Variants in DIP2B observed in about 807,000 individuals in gnomAD.
DIP2B encodes DIP2 acetate--CoA ligase B (putative), also known as disco-interacting protein 2 homolog B.
In DIP2B, 76 loss-of-function variants were observed where a neutral mutation model predicts 198.0. The observed-to-expected ratio is 0.38, with a 90% CI of 0.32 to 0.46. The LOEUF (loss-of-function observed/expected upper bound fraction) is 0.46. Among genes scored for constraint, DIP2B ranks in the 20% least tolerant of loss-of-function variants. The pLI is 0.99. For missense variants in DIP2B, 1,559 were observed against 1,978.4 expected (o/e 0.79, Z 4.02); for synonymous variants, 701 against 739.1 (o/e 0.95, Z 0.84).
chr12:50,639,636 A>G (rs989077541), intron 2 of DIP2B, among the ~76,000 whole-genome samples: 5 of 149,890 alleles, frequency 3.3e-5, no homozygotes, highest in African/African-American at 9.9e-5. Flanking sequence ...GCTGATTCTC[A>G]GCTGGGATCT....
intron 4 of DIP2B, among the ~76,000 whole-genome samples, chr12:50,665,432 G>C (rs544464391): frequency 1.1e-4 from 16 of 152,246 alleles, no homozygotes; most frequent in African/African-American, 2.9e-4. Context: ...TTCCACTGAA[G>C]TGTCATGTTT....
chr12:50,572,127 AAATG>A (rs1958620389), intron 1 of DIP2B, among the ~76,000 whole-genome samples: 1 of 152,154 alleles, frequency 6.6e-6, no homozygotes, highest in Non-Finnish European at 1.5e-5. Context: ...CATTTTGTAA[AAATG>A]AAGCACAACT....
intron 1 of DIP2B, among the ~76,000 whole-genome samples, chr12:50,511,670 C>T (rs1209015489): frequency 4.0e-5 from 6 of 151,426 alleles, no homozygotes; most frequent in African/African-American, 1.2e-4. Flanking sequence ...AGAAATGAGG[C>T]CAGGCGCAGT....
intron 1 of DIP2B, among the ~76,000 whole-genome samples, chr12:50,622,945 A>G (rs1336609683): frequency 1.3e-5 from 2 of 150,762 alleles, no homozygotes; most frequent in Non-Finnish European, 3.0e-5. Context: ...CTAATGACCT[A>G]TCAAAAATAT....
chr12:50,560,676 G>A (rs1478271844), intron 1 of DIP2B, among the ~76,000 whole-genome samples: 3 of 152,168 alleles, frequency 2.0e-5, no homozygotes, highest in Non-Finnish European at 4.4e-5. Context: ...GCTTGAAGCC[G>A]GGAGGCAGAG....
chr12:50,695,237 G>T, intron 14 of DIP2B, 30 bp from the exon 15 acceptor site: 1 of 1,576,210 alleles, frequency 6.3e-7, no homozygotes. Flanking sequence ...ATTTTGTATT[G>T]ATTACTTTTC....
At chr12:50,642,692 G>A (rs186100103) in intron 3 of DIP2B, among the ~76,000 whole-genome samples, 4 of 152,332 alleles carry the variant, frequency 2.6e-5, no homozygotes, top group Non-Finnish European at 5.9e-5. Flanking sequence ...GGGAGGCTGA[G>A]GCAGGAGAAT....
At chr12:50,525,171 C>A (rs1055891410) in intron 1 of DIP2B, among the ~76,000 whole-genome samples, 1 of 152,080 alleles carries the variant, frequency 6.6e-6, no homozygotes, top group African/African-American at 2.4e-5. Context: ...TCCTGGCTAA[C>A]ATGGTGAAAC....
intron 1 of DIP2B, among the ~76,000 whole-genome samples, chr12:50,528,335 A>T (rs1958186418): frequency 6.6e-6 from 1 of 151,208 alleles, no homozygotes; most frequent in Non-Finnish European, 1.5e-5. Flanking sequence ...GCACTGAATC[A>T]GTTACTATAT....
intron 1 of DIP2B, among the ~76,000 whole-genome samples, chr12:50,561,061 T>C (rs912764642): frequency 6.6e-6 from 1 of 152,198 alleles, no homozygotes; most frequent in African/African-American, 2.4e-5. Context: ...CCTATGCACA[T>C]TAGATTGGCA....
intron 22 of DIP2B, among the ~76,000 whole-genome samples, chr12:50,711,854 C>G (rs1939622176): frequency 6.6e-6 from 1 of 152,212 alleles, no homozygotes; most frequent in Non-Finnish European, 1.5e-5. Flanking sequence ...GTCACTGCAC[C>G]TGGCTCCTTA....
chr12:50,662,030 T>A (rs1306291845), intron 4 of DIP2B, among the ~76,000 whole-genome samples: 1 of 152,226 alleles, frequency 6.6e-6, no homozygotes, highest in Non-Finnish European at 1.5e-5. Flanking sequence ...TGAATGAGAC[T>A]GTAGTCCTTT....
rs1260099113 is a variant in DIP2B at position 50,744,847 on chromosome 12, T to G, written c.*8T>G. On this transcript the variant is annotated 3_prime_UTR_variant, in exon 38 of 38. Transcript: ENST00000301180. The stretch of plus-strand genomic sequence containing the variant: ...GTGGCTTATAACATGTAACCAGCCT[T>G]GTGGGGACTGCAGTGGGCCATTCTG... 6 of 1,613,594 alleles carry G rather than the reference T, an allele frequency of 3.7e-6. No homozygotes were observed. Among genetic ancestry groups the G allele is most frequent in the Non-Finnish European group, 5.1e-6 (6 of 1,179,558 alleles).
chr12:50,683,260 A>C lies in DIP2B; in HGVS notation c.1317+12A>C, dbSNP rs771799816. ...CTCTTACCAGAAAGGTAACATTGCT[A>C]AATTTAAGAGGAATGTAGCCTGATG... On this transcript the variant is annotated intron_variant, in intron 10 of 37. Transcript: ENST00000301180. The C allele has an allele frequency of 2.9e-5, 46 of 1,598,502 alleles. No individual in the cohort carries two copies. The South Asian group carries it at 5.2e-4, about 18-fold the overall frequency.
At chr12:50,583,044 T>C (rs1958739417) in intron 1 of DIP2B, among the ~76,000 whole-genome samples, 1 of 152,152 alleles carries the variant, frequency 6.6e-6, no homozygotes, top group Non-Finnish European at 1.5e-5. Context: ...TTGAAGGAAA[T>C]GTTTACCGTA....
At chr12:50,672,346 G>T (rs1306674493) in intron 5 of DIP2B, among the ~76,000 whole-genome samples, 1 of 152,170 alleles carries the variant, frequency 6.6e-6, no homozygotes, top group Non-Finnish European at 1.5e-5. Flanking sequence ...TGCACGCTTA[G>T]CTCTGCCCTG....
chr12:50,732,355 G>T lies in DIP2B; in HGVS notation c.3811-11G>T. On this transcript the variant is annotated splice_polypyrimidine_tract_variant and intron_variant, in intron 31 of 37. Transcript: ENST00000301180. ...CTACTGACTTGGCTCCCATATAATG[G>T]TGTCTTGCAGACCAGAGGGATCAAC... 1 of 1,613,962 alleles carries T rather than the reference G, an allele frequency of 6.2e-7. No homozygotes were observed. The highest frequency in any genetic ancestry group is 8.5e-7 in the Non-Finnish European group (1 of 1,179,868).
intron 1 of DIP2B, among the ~76,000 whole-genome samples, chr12:50,537,141 T>G (rs1958277362): frequency 2.2e-5 from 2 of 89,406 alleles, no homozygotes; most frequent in South Asian, 6.4e-4. Flanking sequence ...TTTTTTTTTT[T>G]GTAGAGACAG....
intron 1 of DIP2B, among the ~76,000 whole-genome samples, chr12:50,577,404 G>A (rs1345460892): frequency 6.6e-6 from 1 of 151,998 alleles, no homozygotes; most frequent in South Asian, 2.1e-4. Flanking sequence ...CGTGGTGGCG[G>A]GCCCCTGTAG....
Sources: gnomAD v4.1 joint callset for allele counts (sites outside exome capture counted in the v4.1 genomes callset) on GRCh38, gnomAD v4.1.1 for gene constraint, MANE v1.5 for transcripts, NCBI Gene and HGNC (gene_info 2026-07-23, HGNC 2026-07-21) for gene names.